HYKK: variants seen among roughly 807,000 people sequenced by gnomAD.
The protein encoded by HYKK is 5-hydroxy-L-lysine kinase.
Under a neutral mutation model 29.7 loss-of-function variants are expected in HYKK, and 19 were observed. The observed-to-expected ratio is 0.64, with a 90% CI of 0.45 to 0.94. HYKK has a LOEUF of 0.94. Ranked by LOEUF, HYKK falls within the 40% of genes least tolerant of loss-of-function variation. HYKK has a pLI of 0.00. For missense variants in HYKK, 390 were observed against 443.4 expected (o/e 0.88, Z 1.08); for synonymous variants, 152 against 158.1 (o/e 0.96, Z 0.29).
chr15:78,517,232 G>A (rs943038462), intron 3 of HYKK, among the ~76,000 whole-genome samples: 10 of 150,436 alleles, frequency 6.6e-5, no homozygotes, highest in African/African-American at 1.2e-4. Flanking sequence ...CCATCAGATC[G>A]TCCCTCTGAA....
intron 3 of HYKK, among the ~76,000 whole-genome samples, chr15:78,525,457 A>G (rs1311751275): frequency 6.8e-6 from 1 of 146,980 alleles, no homozygotes; most frequent in Admixed American, 6.8e-5. Context: ...TGCCCAGCCT[A>G]GAGGAACTTT....
At position 78,536,372 on chromosome 15, in the gene HYKK, C is replaced by A. The variant is rs529170841; in HGVS notation, c.*2702C>A. 6.6e-6 allele frequency: 1 copy of A among 152,082 alleles called. No individual in the cohort carries two copies. Among genetic ancestry groups the A allele is most frequent in the South Asian group, 2.1e-4 (1 of 4,800 alleles). The allele number at this position is 152,082 out of a possible 1,614,324, so 9.4% of individuals were successfully genotyped here. A position where few individuals can be genotyped will look rare whatever the true frequency, so the allele number is the denominator to read the frequency against. ...ACACACTAGGAGGAACAAATGAGATCATTCACATGAAAGCACTTATGTTTC... is the reference window on the plus strand; with the variant it reads ...ACACACTAGGAGGAACAAATGAGATAATTCACATGAAAGCACTTATGTTTC... On this transcript the variant is annotated 3_prime_UTR_variant, in exon 5 of 5. Transcript: ENST00000388988.
chr15:78,525,111 G>A lies in HYKK; in HGVS notation c.478-2269G>A, dbSNP rs150846335. ...GGTTCTCAAACTCCCGGTCATAATA[G>A]TGAGTACTGAAATCCATTTAGAGGA... On this transcript the variant is annotated intron_variant, in intron 3 of 4. Transcript: ENST00000388988. Among the ~76,000 whole-genome samples, 19 of 152,172 alleles carry A rather than the reference G, an allele frequency of 1.2e-4. No homozygotes were observed. The East Asian group carries it at 3.5e-3, about 28-fold the overall frequency.
At position 78,530,857 on chromosome 15, in the gene HYKK, G is replaced by GT. The variant is rs199636746; in HGVS notation, c.662-2345dup. Among the ~76,000 whole-genome samples, 280 of 151,338 alleles carry GT rather than the reference G, an allele frequency of 1.9e-3. 5 individuals carry two copies. In the East Asian group the frequency reaches 0.052, roughly 28 times the overall value. On this transcript the variant is annotated intron_variant, in intron 4 of 4. Coordinates refer to ENST00000388988, the MANE Select transcript of HYKK (RefSeq NM_001013619.4). The stretch of plus-strand genomic sequence containing the variant: ...TGCACTCAGCTTAAATCCTGTTTTG[G>GT]TTTTTTTTGTTTGTTTGTTTTTGTT...
intron 3 of HYKK, among the ~76,000 whole-genome samples, chr15:78,525,302 C>T (rs531547273): frequency 1.3e-5 from 2 of 151,088 alleles, no homozygotes; most frequent in African/African-American, 4.9e-5. Context: ...ACTACAGGCA[C>T]CCGCCACCAC....
chr15:78,533,127 T>C (rs2052327554), intron 4 of HYKK, 83 bp from the exon 5 acceptor site: 5 of 827,114 alleles, frequency 6.0e-6, no homozygotes, highest in Non-Finnish European at 9.7e-6. Flanking sequence ...CATCAAATTA[T>C]GGCTTTGCCT....
At chr15:78,516,147 G>T (rs2052130181) in intron 3 of HYKK, among the ~76,000 whole-genome samples, 1 of 151,820 alleles carries the variant, frequency 6.6e-6, no homozygotes, top group African/African-American at 2.4e-5. Flanking sequence ...TGTATGACAG[G>T]TACCTTTTAG....
At chr15:78,537,345 T>C, downstream of HYKK, 1 of 646,242 alleles carries the variant, frequency 1.5e-6, no homozygotes. Context: ...TAAAGATCTG[T>C]TGAATAAACT....
intron 1 of HYKK, among the ~76,000 whole-genome samples, chr15:78,512,526 C>T (rs1320337640): frequency 2.6e-5 from 4 of 151,328 alleles, no homozygotes; most frequent in Non-Finnish European, 5.9e-5. Flanking sequence ...CTCAGCCTCC[C>T]GAGTAGTTGG....
At chr15:78,522,558 CAAAAAA>C (rs746784955) in intron 3 of HYKK, among the ~76,000 whole-genome samples, 2 of 42,744 alleles carry the variant, frequency 4.7e-5, no homozygotes, top group African/African-American at 8.0e-5. Flanking sequence ...GACTCCGTCT[CAAAAAA>C]AAAAAAAAAA....
At chr15:78,516,465 C>T (rs1249261844) in intron 3 of HYKK, among the ~76,000 whole-genome samples, 1 of 151,544 alleles carries the variant, frequency 6.6e-6, no homozygotes, top group Non-Finnish European at 1.5e-5. Flanking sequence ...CCCACCTCAG[C>T]CTCCTGGGTA....
intron 1 of HYKK, among the ~76,000 whole-genome samples, chr15:78,512,400 C>CTTTTTTTTTTTTTTTTTTT (rs902963099): frequency 8.0e-6 from 1 of 125,668 alleles, no homozygotes; most frequent in Non-Finnish European, 1.7e-5. Flanking sequence ...TTTTCTTTTT[C>CTTTTTTTTTTTTTTTTTTT]TTTTTTTTTT....
At chr15:78,520,926 C>G (rs1438569259) in intron 3 of HYKK, among the ~76,000 whole-genome samples, 1 of 149,982 alleles carries the variant, frequency 6.7e-6, no homozygotes, top group Non-Finnish European at 1.5e-5. Flanking sequence ...GCTGACCCCC[C>G]CACCTCCCTC....
intron 3 of HYKK, among the ~76,000 whole-genome samples, chr15:78,525,626 T>A (rs1049662101): frequency 6.6e-6 from 1 of 151,992 alleles, no homozygotes; most frequent in East Asian, 1.9e-4. Flanking sequence ...GCCTCCCAAG[T>A]AGTTGGGACT....
In HYKK at chr15:78,520,766, A is replaced by G. The variant is rs1300699942; in HGVS notation, c.477+5659A>G. Among the ~76,000 whole-genome samples, 14 of 152,110 alleles carry G rather than the reference A, an allele frequency of 9.2e-5. 1 individual carries two copies. Among genetic ancestry groups the G allele is most frequent in the Non-Finnish European group, 4.4e-5 (3 of 68,006 alleles). On this transcript the variant is annotated intron_variant, in intron 3 of 4. Transcript: ENST00000388988. ...ATGAGCTGTTGGGTACACCTCCCAG[A>G]TGGGGTGGTGGCCGGGCAGAGGGGC...
chr15:78,510,368 T>C (rs909965939), intron 1 of HYKK, among the ~76,000 whole-genome samples: 1 of 151,800 alleles, frequency 6.6e-6, no homozygotes, highest in African/African-American at 2.4e-5. Context: ...TTTATTTTTA[T>C]TTTTATTTTT....
chr15:78,532,661 G>C (rs896960074), intron 4 of HYKK, among the ~76,000 whole-genome samples: 1 of 152,020 alleles, frequency 6.6e-6, no homozygotes, highest in Non-Finnish European at 1.5e-5. Flanking sequence ...TGGGTGTGGT[G>C]GTGGCGCACC....
At chr15:78,510,944 C>G (rs991072895) in intron 1 of HYKK, among the ~76,000 whole-genome samples, 1 of 147,522 alleles carries the variant, frequency 6.8e-6, no homozygotes, top group African/African-American at 2.5e-5. Flanking sequence ...CAAAAGCTAA[C>G]TCTTCATGAG....
chr15:78,525,218 C>T (rs938381523), intron 3 of HYKK, among the ~76,000 whole-genome samples: 16 of 151,882 alleles, frequency 1.1e-4, no homozygotes, highest in African/African-American at 3.1e-4. Flanking sequence ...TGCAGTGGTG[C>T]GATCTCAGCT....
Sources: gnomAD v4.1 joint callset for allele counts (sites outside exome capture counted in the v4.1 genomes callset) on GRCh38, gnomAD v4.1.1 for gene constraint, MANE v1.5 for transcripts, NCBI Gene and HGNC (gene_info 2026-07-23, HGNC 2026-07-21) for gene names.